Variants in MXRA5 observed in about 807,000 individuals in gnomAD.
MXRA5 encodes matrix remodeling associated 5.
A neutral mutation model predicts 112.5 loss-of-function variants in MXRA5; 41 were observed. That is an observed-to-expected ratio of 0.36 (90% CI 0.28 to 0.47). The LOEUF (loss-of-function observed/expected upper bound fraction) is 0.47. Among genes scored for constraint, MXRA5 ranks in the 20% least tolerant of loss-of-function variants. The pLI is 0.99. For synonymous variants in MXRA5, 862 were observed against 900.8 expected (o/e 0.96, Z 0.77); for missense variants, 2,150 against 2,251.0 (o/e 0.96, Z 0.91).
rs373538998 is a variant in MXRA5, at chrX:3,330,385, C to G, written c.342G>C (p.Lys114Asn). The G allele has an allele frequency of 1.2e-5, 14 of 1,196,652 alleles. No individual in the cohort carries two copies. Among genetic ancestry groups the G allele is most frequent in the Non-Finnish European group, 1.6e-5 (14 of 888,471 alleles). The change falls in exon 4 of 7, where the codon AAG becomes AAC. Residue 114 changes from lysine (K) to asparagine (N), a missense_variant. Lys to Asn is a moderately conservative substitution (Grantham distance 94). Transcript: ENST00000217939. Reference protein sequence around the residue: ...SLQVFKFSYNKLRVITGQTLQ... With the variant: ...SLQVFKFSYNNLRVITGQTLQ... The stretch of plus-strand genomic sequence containing the variant: ...GGGTCTGTCCTGTGATCACTCTCAG[C>G]TTGTTGTAGCTGAACTTGAAAACCT...
chrX:3,329,597 C>G lies in MXRA5; in HGVS notation c.709+421G>C, dbSNP rs185017496. On this transcript the variant is annotated intron_variant, in intron 4 of 6. Coordinates refer to ENST00000217939, the MANE Select transcript of MXRA5 (RefSeq NM_015419.4). ...CGCTTCCGTGTCCGTAAAATAATGA[C>G]CTTGTAGCCACTCCTCTCACCAGCC... Among the ~76,000 whole-genome samples, 3 of 102,801 alleles carry G rather than the reference C, an allele frequency of 2.9e-5. No individual in the cohort carries two copies. The East Asian group carries it at 9.0e-4, about 31-fold the overall frequency. The allele number at this position is 102,801 out of a possible 115,157, so 89.3% of individuals were successfully genotyped here.
chrX:3,339,449 G>A (rs1358355783), intron 2 of MXRA5, among the ~76,000 whole-genome samples: 2 of 110,055 alleles, frequency 1.8e-5, no homozygotes, highest in Non-Finnish European at 3.8e-5. Flanking sequence ...GAATTTTTTA[G>A]TAGAGACGGG....
chrX:3,330,773 C>T lies in MXRA5; in HGVS notation c.189G>A (p.Gly63=). 3.6e-6 allele frequency: 4 copies of T among 1,124,805 alleles called. No individual in the cohort carries two copies. The highest frequency in any genetic ancestry group is 4.8e-6 in the Non-Finnish European group (4 of 836,782). 92.7% of individuals were successfully genotyped at this position (1,124,805 alleles called of 1,213,427 possible). A position where few individuals can be genotyped will look rare whatever the true frequency, so the allele number is the denominator to read the frequency against. ...IAKHVERINL[G]FNSIQALSET... The stretch of plus-strand genomic sequence containing the variant: ...CTGACAGGGCCTGTATGCTATTAAA[C>T]CTAAAGAATGGTAATAATAATAATA... The change falls in exon 3 of 7, where the codon GGG becomes GGA. Residue 63 remains glycine (G), a splice_region_variant and synonymous_variant. Transcript: ENST00000217939.
intron 2 of MXRA5, among the ~76,000 whole-genome samples, chrX:3,341,754 G>C (rs765437939): frequency 1.4e-3 from 130 of 95,424 alleles, no homozygotes; most frequent in African/African-American, 4.8e-3. Context: ...GCTCCACCAA[G>C]GCCTGGCTGA....
In MXRA5 at chrX:3,325,169, C is replaced by T. The variant is rs1265617726; in HGVS notation, c.710-194G>A. ...TTTTAGCACACTGTGTGGTAACTAA[C>T]GGGTGCTTTATAACTGCTTAACCAT... On this transcript the variant is annotated intron_variant, in intron 4 of 6. Coordinates refer to ENST00000217939, the MANE Select transcript of MXRA5 (RefSeq NM_015419.4). 3.6e-5 allele frequency among the ~76,000 whole-genome samples: 4 copies of T among 111,509 alleles called. No individual in the cohort carries two copies. In the East Asian group the frequency reaches 8.4e-4, roughly 23 times the overall value.
chrX:3,316,220 A>G (rs1378003223), intron 6 of MXRA5, among the ~76,000 whole-genome samples: 2 of 49,257 alleles, frequency 4.1e-5, no homozygotes, highest in African/African-American at 2.7e-4. Flanking sequence ...AGGCTGAGGC[A>G]GGAGAATGGC....
chrX:3,317,390 C>T lies in MXRA5; in HGVS notation c.6291G>A (p.Gly2097=). Residue 2097 remains glycine (G), a synonymous_variant, in exon 6 of 7, where the codon GGG becomes GGA. Transcript: ENST00000217939. Reference sequence around the variant, plus strand: ...TCCCGTTGGGGAAAACAAACAAGTTCCCGTGGAGGAACTGCGAGGGGCGGA... The same window carrying T: ...TCCCGTTGGGGAAAACAAACAAGTTTCCGTGGAGGAACTGCGAGGGGCGGA... ...TQIRPSQFLH[G]NLFVFPNGTL... 1 of 1,208,459 alleles carries T rather than the reference C, an allele frequency of 8.3e-7. No individual in the cohort carries two copies. The highest frequency in any genetic ancestry group is 1.1e-6 in the Non-Finnish European group (1 of 894,252).
intron 5 of MXRA5, among the ~76,000 whole-genome samples, chrX:3,318,881 CAAAA>C (rs1921222718): frequency 9.2e-6 from 1 of 109,143 alleles, no homozygotes. Context: ...AAAAAACAAA[CAAAA>C]AACGAAATTC....
In MXRA5 at chrX:3,324,716, G is replaced by T. The variant is rs765714698; in HGVS notation, c.969C>A (p.Thr323=). 1 of 1,209,834 alleles carries T rather than the reference G, an allele frequency of 8.3e-7. No individual in the cohort carries two copies. The highest frequency in any genetic ancestry group is 1.1e-6 in the Non-Finnish European group (1 of 894,298). The change falls in exon 5 of 7, where the codon ACC becomes ACA. Residue 323 remains threonine (T), a synonymous_variant. Transcript: ENST00000217939. ...LPQWSISLNM[T]DEHGNMVNLV... ...AGTTCACCATGTTCCCGTGCTCGTC[G>T]GTCATATTCAAAGAGATGCTCCACT...
chrX:3,323,525 T>C lies in MXRA5; in HGVS notation c.2160A>G (p.Gln720=). The C allele has an allele frequency of 8.3e-7, 1 of 1,211,586 alleles. No individual in the cohort carries two copies. The highest frequency in any genetic ancestry group is 1.7e-5 in the African/African-American group (1 of 57,748). ...CATCCTTTGTTTTGAGGAACACCTC[T>C]TGGTCCTTTGGATGCAGAAGTCTCC... ...TSRRLLHPKD[Q]EVFLKTKDDA... Residue 720 remains glutamine, a synonymous_variant, in exon 5 of 7, where the codon CAA becomes CAG. Coordinates refer to ENST00000217939, the MANE Select transcript of MXRA5 (RefSeq NM_015419.4).
chrX:3,342,926 A>C (rs1385413128), intron 2 of MXRA5, among the ~76,000 whole-genome samples: 2 of 112,574 alleles, frequency 1.8e-5, no homozygotes, highest in Non-Finnish European at 3.7e-5. Flanking sequence ...TGGATATTTC[A>C]CAAACACTAA....
rs1920966789 is a variant in MXRA5, at chrX:3,309,656, C to T, written c.*60G>A. Reference sequence around the variant, plus strand: ...TAAGAGCTCCTATTCCCCAACCTGGCTTCCCTTACAAACCCCGCTTTGTTG... The same window carrying T: ...TAAGAGCTCCTATTCCCCAACCTGGTTTCCCTTACAAACCCCGCTTTGTTG... On this transcript the variant is annotated 3_prime_UTR_variant, in exon 7 of 7. Transcript: ENST00000217939. 1 of 1,051,520 alleles carries T rather than the reference C, an allele frequency of 9.5e-7. No individual in the cohort carries two copies. The highest frequency in any genetic ancestry group is 1.8e-5 in the African/African-American group (1 of 54,341). 86.7% of individuals were successfully genotyped at this position (1,051,520 alleles called of 1,213,427 possible).
chrX:3,316,293 C>G (rs767625666), intron 6 of MXRA5, among the ~76,000 whole-genome samples: 16 of 86,396 alleles, frequency 1.9e-4, no homozygotes, highest in Admixed American at 9.4e-4. Context: ...CAGCCTGGGC[C>G]ACAGAGCGAG....
chrX:3,339,286 A>G (rs371031945), intron 2 of MXRA5, among the ~76,000 whole-genome samples: 10 of 108,472 alleles, frequency 9.2e-5, no homozygotes, highest in African/African-American at 3.4e-4. Flanking sequence ...GTTTTTTGAG[A>G]TGGCGTCTCG....
At position 3,321,997 on chromosome X, in the gene MXRA5, G is replaced by C; in HGVS notation, c.3688C>G (p.Pro1230Ala). 8.3e-7 allele frequency: 1 copy of C among 1,211,588 alleles called. No individual in the cohort carries two copies. Among genetic ancestry groups the C allele is most frequent in the South Asian group, 1.8e-5 (1 of 56,956 alleles). Residue 1230 changes from proline to alanine, a missense_variant, in exon 5 of 7, where the codon CCA becomes GCA. Coordinates refer to ENST00000217939, the MANE Select transcript of MXRA5 (RefSeq NM_015419.4). ...GGCCTCTTCCCGTGTTTTCTCCGTGGTGTTCCCTTGGATGTGGGTTCTGCA... is the reference window on the plus strand; with the variant it reads ...GGCCTCTTCCCGTGTTTTCTCCGTGCTGTTCCCTTGGATGTGGGTTCTGCA... Reference protein sequence around the residue: ...KNAEPTSKGTPRRKHGKRPNK... With the variant: ...KNAEPTSKGTARRKHGKRPNK...
chrX:3,344,716 C>T (rs1922066706), intron 1 of MXRA5, among the ~76,000 whole-genome samples: 1 of 111,551 alleles, frequency 9.0e-6, no homozygotes, highest in African/African-American at 3.3e-5. Context: ...GAATGGCGTT[C>T]ACTTAAAAAT....
chrX:3,344,659 T>C (rs903838084), intron 1 of MXRA5, among the ~76,000 whole-genome samples: 1 of 112,128 alleles, frequency 8.9e-6, no homozygotes, highest in African/African-American at 3.2e-5. Context: ...ATCATTTTCT[T>C]CTTGTCCTGG....
chrX:3,341,444 T>A, intron 2 of MXRA5, among the ~76,000 whole-genome samples: 1 of 13,068 alleles, frequency 7.7e-5, no homozygotes, highest in African/African-American at 8.9e-4. Context: ...ATATTATTAT[T>A]ATATATAATA....
In MXRA5 at chrX:3,323,736, C is replaced by T. The variant is rs868382462; in HGVS notation, c.1949G>A (p.Arg650Lys). 8.3e-7 allele frequency: 1 copy of T among 1,211,835 alleles called. No homozygotes were observed. Among genetic ancestry groups the T allele is most frequent in the Non-Finnish European group, 1.1e-6 (1 of 895,403 alleles). The change falls in exon 5 of 7, where the codon AGA becomes AAA. Residue 650 changes from arginine (R) to lysine (K), a missense_variant. Physicochemically the swap from Arg to Lys is conservative, Grantham distance 26. Around this residue, in one of 6 missense-constraint regions of MXRA5, gnomAD observed 1,485 missense variants for 1,471.6 expected, o/e 1.01. Coordinates refer to ENST00000217939, the MANE Select transcript of MXRA5 (RefSeq NM_015419.4). Reference protein sequence around the residue: ...KVQVSDSGYYRCVAVNQQGAD... With the variant: ...KVQVSDSGYYKCVAVNQQGAD... ...CCCTTGCTGGTTGACAGCCACACAT[C>T]TGTAGTAACCACTGTCACTGACTTG...
Sources: gnomAD v4.1 joint callset for allele counts (sites outside exome capture counted in the v4.1 genomes callset) on GRCh38, gnomAD v4.1.1 for gene constraint, gnomAD v4.1.1 regional missense constraint, MANE v1.5 for transcripts, NCBI Gene and HGNC (gene_info 2026-07-23, HGNC 2026-07-21) for gene names.